PPP6R2: variants seen among roughly 807,000 people sequenced by gnomAD.
PPP6R2 encodes serine/threonine-protein phosphatase 6 regulatory subunit 2.
In PPP6R2, 62 loss-of-function variants were observed where a neutral mutation model predicts 100.2. The observed-to-expected ratio is 0.62, with a 90% CI of 0.50 to 0.76. PPP6R2 has a LOEUF of 0.76. PPP6R2 is among the 30% of genes least tolerant of loss of function. The probability of loss-of-function intolerance (pLI) is 0.00; values close to 1 mark genes in which losing one functional copy is unlikely to be tolerated. For synonymous variants in PPP6R2, 525 were observed against 514.7 expected, an observed-to-expected ratio of 1.02 and a Z score of -0.27; for missense variants, 1,142 against 1,276.3, an observed-to-expected ratio of 0.89 and a Z score of 1.60.
At chr22:50,335,455 A>G in the PPP6R2 span, among the ~76,000 whole-genome samples, 2 of 151,566 alleles carry the variant, frequency 1.3e-5, no homozygotes, top group Non-Finnish European at 1.5e-5. Context: ...TCGGCCTCCC[A>G]AAGTGCTGGG....
chr22:50,402,565 G>A (rs991718423), intron 3 of PPP6R2, among the ~76,000 whole-genome samples: 4 of 152,104 alleles, frequency 2.6e-5, no homozygotes, highest in African/African-American at 7.2e-5. Flanking sequence ...GTGGGCTCCT[G>A]AAACTCAGCC....
intron 3 of PPP6R2, among the ~76,000 whole-genome samples, chr22:50,400,273 T>C (rs9616944): frequency 0.34 from 51,300 of 152,110 alleles, 9,613 homozygotes; most frequent in East Asian, 0.75. Context: ...TCCACATCCA[T>C]TGTCCATCTC....
Position 50,431,637 on chromosome 22 carries a change from A to G in PPP6R2, c.1335+255A>G, listed in dbSNP as rs2063165976. ...CAGGCCTGGCAAGGGTTAGCACTGGATGAGATGAGTTCAGTCTGGCCTCCA... is the reference window on the plus strand; with the variant it reads ...CAGGCCTGGCAAGGGTTAGCACTGGGTGAGATGAGTTCAGTCTGGCCTCCA... On this transcript the variant is annotated intron_variant, in intron 11 of 23. Transcript: ENST00000612753. The surrounding 1 kb of genome is among the most constrained non-coding windows in gnomAD (Gnocchi z 4.8). Among the ~76,000 whole-genome samples the G allele has an allele frequency of 6.6e-6, 1 of 152,084 alleles. No homozygotes were observed. Among genetic ancestry groups the G allele is most frequent in the African/African-American group, 2.4e-5 (1 of 41,422 alleles).
intron 2 of PPP6R2, among the ~76,000 whole-genome samples, chr22:50,377,089 TA>T (rs1303449398): frequency 6.6e-6 from 1 of 152,020 alleles, no homozygotes; most frequent in African/African-American, 2.4e-5. Flanking sequence ...TAAGAAACAG[TA>T]AAAGGTGATA....
At chr22:50,338,892 GGTATGTGTGGTGTGTGTGGTA>G (rs1218061417), upstream of PPP6R2, among the ~76,000 whole-genome samples, 2 of 117,702 alleles carry the variant, frequency 1.7e-5, no homozygotes, top group Non-Finnish European at 3.4e-5. Context: ...TGTTATGTGG[GGTATGTGTGGTGTGTGTGGTA>G]GTGTGTGTGG....
chr22:50,423,039 A>T lies in PPP6R2; in HGVS notation c.973-423A>T, dbSNP rs1476813077. 2.0e-5 allele frequency among the ~76,000 whole-genome samples: 3 copies of T among 152,150 alleles called. No homozygotes were observed. In the East Asian group the frequency reaches 5.8e-4, roughly 29 times the overall value. On this transcript the variant is annotated intron_variant, in intron 9 of 23. Coordinates refer to ENST00000612753, the MANE Select transcript of PPP6R2 (RefSeq NM_001242898.2). This position sits in a 1 kb window ranked among gnomAD's most constrained non-coding sequence, Gnocchi z 4.8. ...AGGAGGCATTCCCGTCAGTGTCCCC[A>T]AAGTGTGTTCATGGGACACTTGTTA...
At chr22:50,410,466 T>C (rs1473911835) in intron 4 of PPP6R2, among the ~76,000 whole-genome samples, 3 of 133,304 alleles carry the variant, frequency 2.3e-5, no homozygotes, top group Non-Finnish European at 3.1e-5. Flanking sequence ...TTTTGAGTGG[T>C]GTCTTTTTTT....
intron 2 of PPP6R2, among the ~76,000 whole-genome samples, chr22:50,377,948 A>G (rs1301005789): frequency 6.6e-6 from 1 of 152,030 alleles, no homozygotes; most frequent in Non-Finnish European, 1.5e-5. Flanking sequence ...CGGAGGTTGC[A>G]GTGAGCTGAG....
At chr22:50,355,554 T>C (rs374689762) in intron 1 of PPP6R2, among the ~76,000 whole-genome samples, 141 of 135,478 alleles carry the variant, frequency 1.0e-3, no homozygotes, top group African/African-American at 3.9e-3. Context: ...AGAGTCTCGC[T>C]CTGTCGCCCA....
At chr22:50,430,405 T>C (rs1178372355) in intron 10 of PPP6R2, among the ~76,000 whole-genome samples, 6 of 152,202 alleles carry the variant, frequency 3.9e-5, no homozygotes, top group Non-Finnish European at 5.9e-5. Flanking sequence ...CAATAATTCA[T>C]GAGAAAGACA....
At chr22:50,440,370 G>A (rs1302211700) in intron 21 of PPP6R2, among the ~76,000 whole-genome samples, 1 of 152,226 alleles carries the variant, frequency 6.6e-6, no homozygotes, top group East Asian at 1.9e-4. Context: ...TGGGTTGTTG[G>A]CAGGAAGCTG....
Position 50,431,081 on chromosome 22 carries a change from G to T in PPP6R2, c.1126-92G>T. On this transcript the variant is annotated intron_variant, in intron 10 of 23. Transcript: ENST00000612753. The surrounding 1 kb of genome is among the most constrained non-coding windows in gnomAD (Gnocchi z 4.8). ...GACTGGACTTGTGAGGAGTTAGGAC[G>T]CCACCTTTAGGAAGGGTTTCCCTCA... The T allele has an allele frequency of 1.9e-6, 2 of 1,080,504 alleles. No individual in the cohort carries two copies. The highest frequency in any genetic ancestry group is 2.7e-6 in the Non-Finnish European group (2 of 731,652). The allele number at this position is 1,080,504 out of a possible 1,614,324, so 66.9% of individuals were successfully genotyped here.
At chr22:50,393,238 G>C (rs1027657893) in intron 2 of PPP6R2, among the ~76,000 whole-genome samples, 2 of 152,166 alleles carry the variant, frequency 1.3e-5, no homozygotes, top group African/African-American at 2.4e-5. Context: ...GTGAGGAGGT[G>C]CCTGCTTCAG....
At chr22:50,354,652 C>T (rs2046058934) in intron 1 of PPP6R2, among the ~76,000 whole-genome samples, 1 of 151,618 alleles carries the variant, frequency 6.6e-6, no homozygotes, top group Non-Finnish European at 1.5e-5. Flanking sequence ...ATGGTTAAAC[C>T]CTGTCTGTAC....
rs775217006 is a variant in PPP6R2, at chr22:50,380,369, G to GTT, written c.-17+8229_-17+8230dup. 2.1e-5 allele frequency among the ~76,000 whole-genome samples: 3 copies of GTT among 143,630 alleles called. No individual in the cohort carries two copies. In the East Asian group the frequency reaches 6.2e-4, roughly 30 times the overall value. The allele number at this position is 143,630 out of a possible 152,430, so 94.2% of individuals were successfully genotyped here. On this transcript the variant is annotated intron_variant, in intron 2 of 23. Coordinates refer to ENST00000612753, the MANE Select transcript of PPP6R2 (RefSeq NM_001242898.2). ...ACAGGCGTGAGCCACCACGCCTGAT[G>GTT]TTTTTTTTTTTGAGATGGAGTCTCT...
In PPP6R2 at chr22:50,440,216, G is replaced by A. The variant is rs115671526; in HGVS notation, c.2374+167G>A. On this transcript the variant is annotated intron_variant, in intron 21 of 23. Coordinates refer to ENST00000612753, the MANE Select transcript of PPP6R2 (RefSeq NM_001242898.2). ...ACAGCAATGGGACTGGAGCAGCCAC[G>A]TGTAGATGGGGAGGCCCCCAGAGGG... is the stretch of plus-strand genomic sequence containing the variant. 0.032 allele frequency among the ~76,000 whole-genome samples: 4,829 copies of A among 152,360 alleles called. 162 individuals carry two copies. Among genetic ancestry groups the A allele is most frequent in the East Asian group, 0.082 (425 of 5,188 alleles).
intron 1 of PPP6R2, among the ~76,000 whole-genome samples, chr22:50,346,170 TCA>T (rs1569239355): frequency 6.1e-5 from 1 of 16,396 alleles, no homozygotes; most frequent in African/African-American, 4.1e-4. Context: ...CCCCAGTCAG[TCA>T]GTGCCCCCCA....
At chr22:50,359,289 G>A (rs1039734434) in intron 1 of PPP6R2, among the ~76,000 whole-genome samples, 7 of 142,482 alleles carry the variant, frequency 4.9e-5, no homozygotes, top group South Asian at 2.3e-4. Flanking sequence ...CGTGATCTCC[G>A]CTCACTGCAA....
intron 19 of PPP6R2, among the ~76,000 whole-genome samples, 198 bp downstream of exon 19, chr22:50,438,960 TG>T (rs1476101997): frequency 6.6e-6 from 1 of 152,204 alleles, no homozygotes; most frequent in Non-Finnish European, 1.5e-5. Context: ...GGTGGCCTCC[TG>T]CCCCTGCCTT....
Sources: gnomAD v4.1 joint callset for allele counts (sites outside exome capture counted in the v4.1 genomes callset) on GRCh38, gnomAD v4.1.1 for gene constraint, Gnocchi (gnomAD v3.1) non-coding constraint, MANE v1.5 for transcripts, NCBI Gene and HGNC (gene_info 2026-07-23, HGNC 2026-07-21) for gene names.